The following SMOC1 variants were observed in gnomAD, a reference collection of about 807,000 sequenced individuals.
The protein encoded by SMOC1 is SPARC-related modular calcium-binding protein 1.
SMOC1 carries 22 observed loss-of-function variants against 56.3 expected under a neutral mutation model. That is an observed-to-expected ratio of 0.39 (90% CI 0.28 to 0.56). The LOEUF is 0.56. SMOC1 is among the 20% of genes least tolerant of loss of function. The pLI, the probability that SMOC1 is intolerant of heterozygous loss-of-function variation, is 0.61. For synonymous variants in SMOC1, 193 were observed against 215.0 expected (o/e 0.90, Z 0.89); for missense variants, 509 against 565.4 (o/e 0.90, Z 1.01).
intron 5 of SMOC1, among the ~76,000 whole-genome samples, chr14:69,989,311 A>G (rs1884481077): frequency 6.6e-6 from 1 of 152,138 alleles, no homozygotes; most frequent in Non-Finnish European, 1.5e-5. Context: ...CTTTTCATGT[A>G]TTTATTAGCC....
At chr14:69,998,338 C>G (rs544251505) in intron 7 of SMOC1, among the ~76,000 whole-genome samples, 2 of 152,102 alleles carry the variant, frequency 1.3e-5, no homozygotes, top group Non-Finnish European at 2.9e-5. Flanking sequence ...CCAGCTAATA[C>G]GCTAGAACTT....
At chr14:69,992,925 C>T (rs895478046) in intron 6 of SMOC1, among the ~76,000 whole-genome samples, 9 of 152,230 alleles carry the variant, frequency 5.9e-5, no homozygotes, top group African/African-American at 2.2e-4. Context: ...ACAGCTGCAA[C>T]TCTTAGAGTG....
chr14:69,913,547 A>G (rs1225764366), intron 1 of SMOC1, among the ~76,000 whole-genome samples: 1 of 152,226 alleles, frequency 6.6e-6, no homozygotes, highest in African/African-American at 2.4e-5. Flanking sequence ...TCTAAAATTC[A>G]GAGTAACTAG....
chr14:69,953,769 T>C (rs1184331403), intron 3 of SMOC1, among the ~76,000 whole-genome samples: 3 of 152,224 alleles, frequency 2.0e-5, no homozygotes, highest in Admixed American at 2.0e-4. Context: ...GCCAGGAAAC[T>C]GGCATTGCTT....
At chr14:69,940,944 T>C (rs950119615) in intron 1 of SMOC1, among the ~76,000 whole-genome samples, 1 of 152,062 alleles carries the variant, frequency 6.6e-6, no homozygotes, top group Non-Finnish European at 1.5e-5. Flanking sequence ...GGCAGGGGTG[T>C]GTGTGCACAA....
At chr14:69,950,754 A>G (rs908533247) in intron 1 of SMOC1, among the ~76,000 whole-genome samples, 2 of 152,174 alleles carry the variant, frequency 1.3e-5, no homozygotes, top group Non-Finnish European at 1.5e-5. Context: ...TTGTTCTCCA[A>G]CTGTATTCTG....
chr14:69,904,502 A>G (rs547940203), intron 1 of SMOC1, among the ~76,000 whole-genome samples: 1 of 152,350 alleles, frequency 6.6e-6, no homozygotes, highest in South Asian at 2.1e-4. Context: ...TCTACTGGTC[A>G]CTTATGGGGT....
chr14:69,887,249 A>T (rs903031998), intron 1 of SMOC1, among the ~76,000 whole-genome samples: 1 of 151,500 alleles, frequency 6.6e-6, no homozygotes, highest in African/African-American at 2.4e-5. Flanking sequence ...AAATAACTAA[A>T]ATTAAAAAAA....
At chr14:69,951,068 TG>T (rs1004694615) in intron 1 of SMOC1, among the ~76,000 whole-genome samples, 7 of 152,318 alleles carry the variant, frequency 4.6e-5, no homozygotes, top group Admixed American at 2.0e-4. Flanking sequence ...TCTCTGTGCC[TG>T]GGTTGGTTGG....
chr14:69,894,011 C>A (rs1884031593), intron 1 of SMOC1, among the ~76,000 whole-genome samples: 1 of 152,120 alleles, frequency 6.6e-6, no homozygotes, highest in African/African-American at 2.4e-5. Context: ...AGAGAGGAGA[C>A]CAACCCTGCC....
At chr14:69,922,528 G>T (rs1884874289) in intron 1 of SMOC1, among the ~76,000 whole-genome samples, 1 of 152,144 alleles carries the variant, frequency 6.6e-6, no homozygotes, top group South Asian at 2.1e-4. Context: ...TCTTTGCCTT[G>T]GGTGCTCAAA....
chr14:69,977,181 G>C (rs116529625), intron 4 of SMOC1, among the ~76,000 whole-genome samples: 1 of 152,206 alleles, frequency 6.6e-6, no homozygotes, highest in African/African-American at 2.4e-5. Flanking sequence ...TCTTTTGGCG[G>C]GACTCCACAG....
intron 1 of SMOC1, among the ~76,000 whole-genome samples, chr14:69,903,472 T>G (rs1349201894): frequency 6.6e-6 from 1 of 151,976 alleles, no homozygotes; most frequent in Non-Finnish European, 1.5e-5. Flanking sequence ...AAGGGGGAAA[T>G]GTGGGGAAAA....
chr14:69,977,847 C>T, intron 4 of SMOC1, 71 bp from the exon 5 acceptor site: 2 of 1,302,118 alleles, frequency 1.5e-6, no homozygotes, highest in African/African-American at 1.4e-5. Context: ...TCAGGTTTTG[C>T]CAACTCTTAG....
intron 1 of SMOC1, among the ~76,000 whole-genome samples, chr14:69,904,192 C>T (rs1348495953): frequency 1.3e-5 from 2 of 152,172 alleles, no homozygotes; most frequent in Non-Finnish European, 2.9e-5. Context: ...TGCTTGAGTC[C>T]ATTTGATTTT....
chr14:69,941,161 C>G (rs146409793), intron 1 of SMOC1, among the ~76,000 whole-genome samples: 1 of 152,156 alleles, frequency 6.6e-6, no homozygotes, highest in Non-Finnish European at 1.5e-5. Context: ...TACCTAGCCT[C>G]GTGGAAGTCC....
At chr14:70,020,705 T>G (rs1885684732) in intron 10 of SMOC1, among the ~76,000 whole-genome samples, 1 of 152,030 alleles carries the variant, frequency 6.6e-6, no homozygotes, top group Non-Finnish European at 1.5e-5. Context: ...TGGGAGGCCT[T>G]GATGGGAGTG....
chr14:69,975,656 G>T, intron 3 of SMOC1, 59 bp from the exon 4 acceptor site: 1 of 1,217,796 alleles, frequency 8.2e-7, no homozygotes, highest in Non-Finnish European at 1.2e-6. Flanking sequence ...GGTTGGAGAT[G>T]AGTCTTGATA....
intron 1 of SMOC1, among the ~76,000 whole-genome samples, chr14:69,930,769 T>G (rs2139390926): frequency 6.6e-6 from 1 of 152,340 alleles, no homozygotes. Flanking sequence ...CGCACCCCAG[T>G]GCCTGATGCA....
Sources: gnomAD v4.1 joint callset for allele counts (sites outside exome capture counted in the v4.1 genomes callset) on GRCh38, gnomAD v4.1.1 for gene constraint, MANE v1.5 for transcripts, NCBI Gene and HGNC (gene_info 2026-07-23, HGNC 2026-07-21) for gene names.